UTP3: variants seen among roughly 807,000 people sequenced by gnomAD.
UTP3 encodes something about silencing protein 10.
In UTP3, 19 loss-of-function variants were observed where a neutral mutation model predicts 37.9. The ratio of observed to expected loss-of-function variants is 0.50; its 90% CI spans 0.35 to 0.74. UTP3 has a LOEUF of 0.74. Ranked by LOEUF, UTP3 falls within the 30% of genes least tolerant of loss-of-function variation. UTP3 has a pLI of 0.01. For missense variants in UTP3, 504 were observed against 570.7 expected (o/e 0.88, Z 1.19); for synonymous variants, 242 against 218.5 (o/e 1.11, Z -0.95).
rs750037311 is a variant in UTP3 at position 70,689,102 on chromosome 4, G to A, written c.425G>A (p.Gly142Asp). Residue 142 changes from glycine to aspartate, a missense_variant, in exon 1 of 1, where the codon GGT (glycine) becomes GAT (aspartate). Physicochemically the swap from Gly to Asp is moderately conservative, Grantham distance 94. Coordinates refer to ENST00000254803, the MANE Select transcript of UTP3 (RefSeq NM_020368.3). Reference protein sequence around the residue: ...RKKLYYDTDYGSKSRGRQSQQ... With the variant: ...RKKLYYDTDYDSKSRGRQSQQ... ...AAACTTTACTATGACACGGACTATG[G>A]TTCCAAGTCCCGAGGCCGGCAGAGT... 2 of 1,612,810 alleles carry A rather than the reference G, an allele frequency of 1.2e-6. No individual in the cohort carries two copies. Among genetic ancestry groups the A allele is most frequent in the Non-Finnish European group, 1.7e-6 (2 of 1,179,554 alleles).
chr4:70,689,606 A>G lies in UTP3; in HGVS notation c.929A>G (p.Lys310Arg). 6.2e-7 allele frequency: 1 copy of G among 1,614,230 alleles called. No individual in the cohort carries two copies. The highest frequency in any genetic ancestry group is 8.5e-7 in the Non-Finnish European group (1 of 1,180,036). ...RLVTYRNLIN[K>R]LSVVDQKLSS... ...GTTACCTACCGAAATTTGATCAACAAGCTGTCCGTTGTGGATCAGAAGCTG... is the reference window on the plus strand; with the variant it reads ...GTTACCTACCGAAATTTGATCAACAGGCTGTCCGTTGTGGATCAGAAGCTG... The change falls in exon 1 of 1, where the codon AAG becomes AGG. Residue 310 changes from lysine (K) to arginine (R), a missense_variant. Lys to Arg is a conservative substitution (Grantham distance 26, BLOSUM62 2). Transcript: ENST00000254803.
rs1739553394 is a variant in UTP3, at chr4:70,688,559, C to T, written c.-119C>T. 10 of 1,035,012 alleles carry T rather than the reference C, an allele frequency of 9.7e-6. No individual in the cohort carries two copies. Among genetic ancestry groups the T allele is most frequent in the South Asian group, 1.6e-5 (1 of 60,832 alleles). The allele number at this position is 1,035,012 out of a possible 1,614,324, so 64.1% of individuals were successfully genotyped here. On this transcript the variant is annotated 5_prime_UTR_variant, in exon 1 of 1. Transcript: ENST00000254803. Reference sequence around the variant, plus strand: ...TAGCCGATCAGGAGTCTGCAAACTCCGGTGGTAGGGGAGCGCGCTGCTGTT... The same window carrying T: ...TAGCCGATCAGGAGTCTGCAAACTCTGGTGGTAGGGGAGCGCGCTGCTGTT...
chr4:70,690,171 TTTAAC>T lies in UTP3; in HGVS notation c.*56_*60del. ...AGTTTTGGATCAATAAATTTTTACT[TTTAAC>T]TAAAGTCATTGTATTAATATATAAT... On this transcript the variant is annotated 3_prime_UTR_variant, in exon 1 of 1. Transcript: ENST00000254803. The T allele has an allele frequency of 6.6e-7, 1 of 1,503,764 alleles. No individual in the cohort carries two copies. The highest frequency in any genetic ancestry group is 1.4e-5 in the African/African-American group (1 of 69,834). The allele number at this position is 1,503,764 out of a possible 1,614,324, so 93.2% of individuals were successfully genotyped here. A position where few individuals can be genotyped will look rare whatever the true frequency, so the allele number is the denominator to read the frequency against.
Position 70,689,613 on chromosome 4 carries a change from C to A in UTP3, c.936C>A (p.Ser312=), listed in dbSNP as rs776307637. The A allele has an allele frequency of 5.0e-6, 8 of 1,614,142 alleles. No homozygotes were observed. Among genetic ancestry groups the A allele is most frequent in the Admixed American group, 1.7e-5 (1 of 60,016 alleles). Reference sequence around the variant, plus strand: ...ACCGAAATTTGATCAACAAGCTGTCCGTTGTGGATCAGAAGCTGTCCTCAG... The same window carrying A: ...ACCGAAATTTGATCAACAAGCTGTCAGTTGTGGATCAGAAGCTGTCCTCAG... The part of the protein sequence containing the change: ...VTYRNLINKL[S]VVDQKLSSEI... Residue 312 remains serine (S), a synonymous_variant, in exon 1 of 1, where the codon TCC becomes TCA. Coordinates refer to ENST00000254803, the MANE Select transcript of UTP3 (RefSeq NM_020368.3).
Position 70,689,812 on chromosome 4 carries a change from T to C in UTP3, c.1135T>C (p.Tyr379His), listed in dbSNP as rs1271481073. 1 of 1,613,512 alleles carries C rather than the reference T, an allele frequency of 6.2e-7. No homozygotes were observed. Among genetic ancestry groups the C allele is most frequent in the Admixed American group, 1.7e-5 (1 of 59,822 alleles). Residue 379 changes from tyrosine (Y) to histidine (H), a missense_variant, in exon 1 of 1, where the codon TAT becomes CAT. Physicochemically the swap from Tyr to His is moderately conservative, Grantham distance 83. Coordinates refer to ENST00000254803, the MANE Select transcript of UTP3 (RefSeq NM_020368.3). ...TGATGAAAAAGCAAAACTGAAGTAC[T>C]ATAAAGAAATAGAAGACAGGCAAAA... ...DFDEKAKLKYYKEIEDRQKLK... is the reference protein window; with the variant it reads ...DFDEKAKLKYHKEIEDRQKLK...
chr4:70,689,645 G>C lies in UTP3; in HGVS notation c.968G>C (p.Arg323Pro), dbSNP rs536610680. 4.6e-5 allele frequency: 74 copies of C among 1,614,152 alleles called. No homozygotes were observed. The South Asian group carries it at 7.8e-4, about 17-fold the overall frequency. The change falls in exon 1 of 1, where the codon CGT becomes CCT. Residue 323 changes from arginine (R) to proline (P), a missense_variant. Physicochemically the swap from Arg to Pro is moderately radical, Grantham distance 103 (BLOSUM62 -2). Transcript: ENST00000254803. The part of the protein sequence containing the change: ...VVDQKLSSEI[R>P]HLLTLKDDAV... ...GATCAGAAGCTGTCCTCAGAAATTC[G>C]TCATCTGTTGACACTTAAGGATGAT...
chr4:70,689,434 C>A lies in UTP3; in HGVS notation c.757C>A (p.Gln253Lys), dbSNP rs779166781. ...ELEPLLELVE[Q>K]GIIPPGKGSQ... ...GGAGCCATTGTTAGAGTTGGTGGAA[C>A]AAGGGATCATTCCACCCGGAAAAGG... is the stretch of plus-strand genomic sequence containing the variant. Residue 253 changes from glutamine (Q) to lysine (K), a missense_variant, in exon 1 of 1, where the codon CAA (glutamine) becomes AAA (lysine). Coordinates refer to ENST00000254803, the MANE Select transcript of UTP3 (RefSeq NM_020368.3). 2 of 1,614,116 alleles carry A rather than the reference C, an allele frequency of 1.2e-6. No individual in the cohort carries two copies. The highest frequency in any genetic ancestry group is 1.1e-5 in the South Asian group (1 of 91,082).
Position 70,689,803 on chromosome 4 carries a change from C to T in UTP3, c.1126C>T (p.Leu376=), listed in dbSNP as rs760346491. 35 of 1,613,114 alleles carry T rather than the reference C, an allele frequency of 2.2e-5. No individual in the cohort carries two copies. Among genetic ancestry groups the T allele is most frequent in the Non-Finnish European group, 2.9e-5 (34 of 1,179,866 alleles). ...DDSDFDEKAK[L]KYYKEIEDRQ... ...TTCTGATTTTGATGAAAAAGCAAAACTGAAGTACTATAAAGAAATAGAAGA... is the reference window on the plus strand; with the variant it reads ...TTCTGATTTTGATGAAAAAGCAAAATTGAAGTACTATAAAGAAATAGAAGA... The change falls in exon 1 of 1, where the codon CTG becomes TTG. Residue 376 remains leucine, a synonymous_variant. Transcript: ENST00000254803.
Position 70,689,712 on chromosome 4 carries a change from G to A in UTP3, c.1035G>A (p.Lys345=). Residue 345 remains lysine, a synonymous_variant, in exon 1 of 1, where the codon AAG becomes AAA. Coordinates refer to ENST00000254803, the MANE Select transcript of UTP3 (RefSeq NM_020368.3). The part of the protein sequence containing the change: ...KELIPKAKST[K]PKPKSVSKTS... ...TGATTCCAAAAGCAAAATCCACCAA[G>A]CCCAAACCAAAGTCTGTTTCAAAGA... The A allele has an allele frequency of 6.2e-7, 1 of 1,614,154 alleles. No homozygotes were observed. Among genetic ancestry groups the A allele is most frequent in the South Asian group, 1.1e-5 (1 of 91,086 alleles).
At position 70,690,073 on chromosome 4, in the gene UTP3, T is replaced by C. The variant is rs1213962117; in HGVS notation, c.1396T>C (p.Ser466Pro). 1 of 1,610,610 alleles carries C rather than the reference T, an allele frequency of 6.2e-7. No homozygotes were observed. The highest frequency in any genetic ancestry group is 2.2e-5 in the East Asian group (1 of 44,866). The change falls in exon 1 of 1, where the codon TCT becomes CCT. Residue 466 changes from serine to proline, a missense_variant. By Grantham distance (74) the Ser-to-Pro change is moderately conservative. Coordinates refer to ENST00000254803, the MANE Select transcript of UTP3 (RefSeq NM_020368.3). ...AGAGCAACGTTATAGTGGTGAATTA[T>C]CTGGCATTCGTGCAGGAGTTAAAAA... ...KEEQRYSGEL[S>P]GIRAGVKKSI...
Position 70,689,674 on chromosome 4 carries a change from G to A in UTP3, c.997G>A (p.Val333Ile), listed in dbSNP as rs752961963. 6.2e-7 allele frequency: 1 copy of A among 1,614,216 alleles called. No homozygotes were observed. Among genetic ancestry groups the A allele is most frequent in the South Asian group, 1.1e-5 (1 of 91,088 alleles). The change falls in exon 1 of 1, where the codon GTA becomes ATA. Residue 333 changes from valine (V) to isoleucine (I), a missense_variant. Transcript: ENST00000254803. ...TCTGTTGACACTTAAGGATGATGCT[G>A]TAAAGAAAGAACTGATTCCAAAAGC... The part of the protein sequence containing the change: ...RHLLTLKDDA[V>I]KKELIPKAKS...
In UTP3 at chr4:70,689,758, G is replaced by A; in HGVS notation, c.1081G>A (p.Val361Ile). The change falls in exon 1 of 1, where the codon GTT becomes ATT. Residue 361 changes from valine (V) to isoleucine (I), a missense_variant. Val to Ile is a conservative substitution (Grantham distance 29). Transcript: ENST00000254803. ...VSKTSAAACA[V>I]TDLSDDSDFD... ...AAAGACTTCTGCTGCTGCCTGTGCTGTTACAGATCTTTCTGATGATTCTGA... is the reference window on the plus strand; with the variant it reads ...AAAGACTTCTGCTGCTGCCTGTGCTATTACAGATCTTTCTGATGATTCTGA... 1 of 1,613,938 alleles carries A rather than the reference G, an allele frequency of 6.2e-7. No homozygotes were observed. Among genetic ancestry groups the A allele is most frequent in the East Asian group, 2.2e-5 (1 of 44,890 alleles).
At position 70,689,191 on chromosome 4, in the gene UTP3, C is replaced by T; in HGVS notation, c.514C>T (p.Leu172=). The change falls in exon 1 of 1, where the codon CTA becomes TTA. Residue 172 remains leucine (L), a synonymous_variant. Coordinates refer to ENST00000254803, the MANE Select transcript of UTP3 (RefSeq NM_020368.3). Reference sequence around the variant, plus strand: ...GGAGGCACAGATCATTCAGCGGCGCCTAGCCCAAGCGCTGCAAGAGGATGA... The same window carrying T: ...GGAGGCACAGATCATTCAGCGGCGCTTAGCCCAAGCGCTGCAAGAGGATGA... ...EEEAQIIQRR[L]AQALQEDDFG... is the part of the protein sequence containing the mutation. The T allele has an allele frequency of 6.2e-7, 1 of 1,614,130 alleles. No homozygotes were observed. Among genetic ancestry groups the T allele is most frequent in the South Asian group, 1.1e-5 (1 of 91,068 alleles).
At position 70,688,917 on chromosome 4, in the gene UTP3, G is replaced by T. The variant is rs1368294530; in HGVS notation, c.240G>T (p.Glu80Asp). ...GDEEDGEEEE[E>D]EVLALDMDDE... ...AGGAGGATGGCGAGGAGGAGGAGGA[G>T]GAGGTGCTAGCCCTAGATATGGACG... The change falls in exon 1 of 1, where the codon GAG becomes GAT. Residue 80 changes from glutamate (E) to aspartate (D), a missense_variant. Coordinates refer to ENST00000254803, the MANE Select transcript of UTP3 (RefSeq NM_020368.3). The T allele has an allele frequency of 6.2e-7, 1 of 1,613,268 alleles. No individual in the cohort carries two copies. The highest frequency in any genetic ancestry group is 8.5e-7 in the Non-Finnish European group (1 of 1,179,532).
At position 70,688,853 on chromosome 4, in the gene UTP3, C is replaced by T; in HGVS notation, c.176C>T (p.Ala59Val). The T allele has an allele frequency of 6.2e-7, 1 of 1,614,062 alleles. No homozygotes were observed. The highest frequency in any genetic ancestry group is 1.1e-5 in the South Asian group (1 of 91,080). Residue 59 changes from alanine to valine, a missense_variant, in exon 1 of 1, where the codon GCC becomes GTC. Ala to Val is a moderately conservative substitution (Grantham distance 64, BLOSUM62 0). Transcript: ENST00000254803. Reference sequence around the variant, plus strand: ...TTTCATGAGGCACGATCCCGGGCCGCCTTAGCTAAGGGCTGGAATGAAGTA... The same window carrying T: ...TTTCATGAGGCACGATCCCGGGCCGTCTTAGCTAAGGGCTGGAATGAAGTA... ...DDFHEARSRA[A>V]LAKGWNEVQS...
In UTP3 at chr4:70,688,564, G is replaced by T; in HGVS notation, c.-114G>T. 3 of 1,086,908 alleles carry T rather than the reference G, an allele frequency of 2.8e-6. No individual in the cohort carries two copies. Among genetic ancestry groups the T allele is most frequent in the South Asian group, 3.2e-5 (2 of 62,694 alleles). 67.3% of individuals were successfully genotyped at this position (1,086,908 alleles called of 1,614,324 possible). A position where few individuals can be genotyped will look rare whatever the true frequency, so the allele number is the denominator to read the frequency against. On this transcript the variant is annotated 5_prime_UTR_variant, in exon 1 of 1. Transcript: ENST00000254803. ...GATCAGGAGTCTGCAAACTCCGGTG[G>T]TAGGGGAGCGCGCTGCTGTTTAGAG...
In UTP3 at chr4:70,688,950, C is replaced by G; in HGVS notation, c.273C>G (p.Asp91Glu). The G allele has an allele frequency of 6.2e-7, 1 of 1,606,580 alleles. No individual in the cohort carries two copies. ...TAGCCCTAGATATGGACGATGAGGA[C>G]GACGAAGATGGAGGGAATGCGGGGG... ...EVLALDMDDE[D>E]DEDGGNAGEE... The change falls in exon 1 of 1, where the codon GAC becomes GAG. Residue 91 changes from aspartate (D) to glutamate (E), a missense_variant. By Grantham distance (45) the Asp-to-Glu change is conservative (BLOSUM62 2). Coordinates refer to ENST00000254803, the MANE Select transcript of UTP3 (RefSeq NM_020368.3).
chr4:70,688,866 C>CT lies in UTP3; in HGVS notation c.190dup (p.Trp64LeufsTer3), dbSNP rs1203575004. The CT allele has an allele frequency of 6.2e-7, 1 of 1,613,814 alleles. No homozygotes were observed. Among genetic ancestry groups the CT allele is most frequent in the East Asian group, 2.2e-5 (1 of 44,888 alleles). On this transcript the variant is annotated frameshift_variant, in exon 1 of 1. Coordinates refer to ENST00000254803, the MANE Select transcript of UTP3 (RefSeq NM_020368.3). LOFTEE classifies it high-confidence loss of function. Reference sequence around the variant, plus strand: ...GATCCCGGGCCGCCTTAGCTAAGGGCTGGAATGAAGTACAGAGTGGAGACG... The same window carrying CT: ...GATCCCGGGCCGCCTTAGCTAAGGGCTTGGAATGAAGTACAGAGTGGAGACG...
rs1739577857 is a variant in UTP3, at chr4:70,689,569, A to G, written c.892A>G (p.Ile298Val). The part of the protein sequence containing the change: ...RRVPAHGHPV[I>V]ERLVTYRNLI... ...AGTCCCAGCACATGGACATCCTGTC[A>G]TAGAAAGGCTTGTTACCTACCGAAA... The change falls in exon 1 of 1, where the codon ATA becomes GTA. Residue 298 changes from isoleucine to valine, a missense_variant. Transcript: ENST00000254803. 1 of 1,614,126 alleles carries G rather than the reference A, an allele frequency of 6.2e-7. No individual in the cohort carries two copies. Among genetic ancestry groups the G allele is most frequent in the African/African-American group, 1.3e-5 (1 of 74,944 alleles).
Sources: gnomAD v4.1 joint callset for allele counts on GRCh38, gnomAD v4.1.1 for gene constraint, MANE v1.5 for transcripts, NCBI Gene and HGNC (gene_info 2026-07-23, HGNC 2026-07-21) for gene names.